PXDC1: variants seen among roughly 807,000 people sequenced by gnomAD.
PXDC1 encodes the protein PX domain-containing protein 1.
A neutral mutation model predicts 24.4 loss-of-function variants in PXDC1; 13 were observed. The ratio of observed to expected loss-of-function variants is 0.53; its 90% CI spans 0.35 to 0.85. The LOEUF is 0.85. PXDC1 is among the 40% of genes least tolerant of loss of function. The pLI, the probability that PXDC1 is intolerant of heterozygous loss-of-function variation, is 0.01. For synonymous variants in PXDC1, 162 were observed against 124.9 expected (o/e 1.30, Z -1.98); for missense variants, 344 against 309.3 (o/e 1.11, Z -0.84).
At chr6:3,727,443 G>C (rs1760092623) in intron 4 of PXDC1, 108 bp downstream of exon 4, 9 of 690,484 alleles carry the variant, frequency 1.3e-5, no homozygotes, top group Non-Finnish European at 2.0e-5. Flanking sequence ...AGGAACTGCT[G>C]GGTGGCTCTG....
rs934701468 is a variant in PXDC1 at position 3,750,744 on chromosome 6, G to A, written c.256+532C>T. Reference sequence around the variant, plus strand: ...CCGCGGGCGGGGCGGCCGCTCCGAGGAGGGACGGAAGGGCTGCGTGGCACC... The same window carrying A: ...CCGCGGGCGGGGCGGCCGCTCCGAGAAGGGACGGAAGGGCTGCGTGGCACC... On this transcript the variant is annotated intron_variant, in intron 1 of 4. Coordinates refer to ENST00000380283, the MANE Select transcript of PXDC1 (RefSeq NM_183373.4). Among the ~76,000 whole-genome samples the A allele has an allele frequency of 6.5e-4, 99 of 152,150 alleles. 1 individual carries two copies. The highest frequency in any genetic ancestry group is 2.5e-4 in the Non-Finnish European group (17 of 68,000).
intron 3 of PXDC1, among the ~76,000 whole-genome samples, chr6:3,733,565 C>A (rs1561733749): frequency 6.6e-6 from 1 of 151,984 alleles, no homozygotes; most frequent in Non-Finnish European, 1.5e-5. Flanking sequence ...AGAAAGAAAA[C>A]CAGACTCGGT....
intron 3 of PXDC1, among the ~76,000 whole-genome samples, chr6:3,732,753 G>A (rs1760228903): frequency 6.6e-6 from 1 of 152,142 alleles, no homozygotes; most frequent in Non-Finnish European, 1.5e-5. Context: ...ACAACTAAAC[G>A]ATCCTAGAAA....
intron 1 of PXDC1, 135 bp downstream of exon 1, chr6:3,751,141 G>A (rs1164361163): frequency 6.1e-6 from 4 of 657,438 alleles, no homozygotes; most frequent in Non-Finnish European, 2.3e-6. Context: ...CTGCGGGCGC[G>A]GGGTCCAAGT....
chr6:3,733,116 G>A (rs932258218), intron 3 of PXDC1, among the ~76,000 whole-genome samples: 3 of 152,200 alleles, frequency 2.0e-5, no homozygotes, highest in African/African-American at 7.2e-5. Context: ...GATGGTGAGA[G>A]TGAGCTTTTA....
intron 1 of PXDC1, 51 bp downstream of exon 1, chr6:3,751,225 A>G (rs1760709062): frequency 1.5e-6 from 2 of 1,318,546 alleles, no homozygotes; most frequent in South Asian, 3.2e-5. Flanking sequence ...TCCTTCGTGC[A>G]CTTCAAGGCT....
intron 4 of PXDC1, among the ~76,000 whole-genome samples, chr6:3,727,188 A>G (rs1380609616): frequency 6.6e-6 from 1 of 152,266 alleles, no homozygotes; most frequent in East Asian, 1.9e-4. Context: ...AGGGCCAGGC[A>G]GCCTTGAGGC....
chr6:3,723,991 T>G (rs1046644814), intron 4 of PXDC1, among the ~76,000 whole-genome samples: 1 of 152,012 alleles, frequency 6.6e-6, no homozygotes, highest in Non-Finnish European at 1.5e-5. Context: ...ATTCATGGAG[T>G]GCTGATTTTC....
chr6:3,750,303 G>C (rs923136811), intron 1 of PXDC1, among the ~76,000 whole-genome samples: 9 of 152,164 alleles, frequency 5.9e-5, no homozygotes, highest in African/African-American at 2.2e-4. Flanking sequence ...CTTAGAGGAG[G>C]ACTGCAGAAA....
Position 3,737,975 on chromosome 6 carries a change from C to CG in PXDC1, c.348+81dup, listed in dbSNP as rs920057781. The CG allele has an allele frequency of 3.8e-5, 44 of 1,166,054 alleles. 1 individual carries two copies. The African/African-American group carries it at 5.0e-4, about 13-fold the overall frequency. 72.2% of individuals were successfully genotyped at this position (1,166,054 alleles called of 1,614,324 possible). A position where few individuals can be genotyped will look rare whatever the true frequency, so the allele number is the denominator to read the frequency against. ...AGACAGAGCAAGCAAGTCAACCCTC[C>CG]GGGGGGATGGACGCCTTTCGCATTT... On this transcript the variant is annotated intron_variant, in intron 2 of 4. Coordinates refer to ENST00000380283, the MANE Select transcript of PXDC1 (RefSeq NM_183373.4). The surrounding 1 kb of genome is among the most constrained non-coding windows in gnomAD (Gnocchi z 5.5).
At chr6:3,743,776 G>A (rs183011740) in intron 1 of PXDC1, among the ~76,000 whole-genome samples, 34 of 152,296 alleles carry the variant, frequency 2.2e-4, no homozygotes, top group East Asian at 5.8e-4. Flanking sequence ...GCGAGATTGC[G>A]GCTGTGTGGA....
chr6:3,726,553 C>G (rs917477219), intron 4 of PXDC1, among the ~76,000 whole-genome samples: 1 of 152,254 alleles, frequency 6.6e-6, no homozygotes, highest in Non-Finnish European at 1.5e-5. Flanking sequence ...AGGGACCCCC[C>G]CATGCTCAGT....
intron 3 of PXDC1, among the ~76,000 whole-genome samples, chr6:3,736,844 G>C (rs1035422045): frequency 6.6e-6 from 1 of 152,192 alleles, no homozygotes; most frequent in African/African-American, 2.4e-5. Flanking sequence ...TCTTAAGTGA[G>C]TTCCAATTTA....
intron 1 of PXDC1, among the ~76,000 whole-genome samples, chr6:3,743,507 G>A (rs1760495925): frequency 6.6e-6 from 1 of 152,118 alleles, no homozygotes; most frequent in Non-Finnish European, 1.5e-5. Flanking sequence ...TTTAAAGGTT[G>A]ACTATAATAC....
intron 1 of PXDC1, chr6:3,738,855 A>G (rs149473705): frequency 8.4e-6 from 11 of 1,303,360 alleles, no homozygotes; most frequent in South Asian, 7.4e-5. Context: ...AGCGCAGAGC[A>G]GAAGTCTTCC....
At chr6:3,729,984 C>A (rs1348253836) in intron 3 of PXDC1, among the ~76,000 whole-genome samples, 1 of 152,156 alleles carries the variant, frequency 6.6e-6, no homozygotes, top group Non-Finnish European at 1.5e-5. Context: ...ACCAGTCCCC[C>A]AAAAAATAGA....
Position 3,738,235 on chromosome 6 carries a change from C to T in PXDC1, c.257-87G>A, listed in dbSNP as rs569948832. On this transcript the variant is annotated intron_variant, in intron 1 of 4. Coordinates refer to ENST00000380283, the MANE Select transcript of PXDC1 (RefSeq NM_183373.4). Reference sequence around the variant, plus strand: ...CAATACACAACAGGTGCCCACAAACCGCCAGGGTCGTCATCTGTAATGAGA... The same window carrying T: ...CAATACACAACAGGTGCCCACAAACTGCCAGGGTCGTCATCTGTAATGAGA... The T allele has an allele frequency of 1.3e-4, 128 of 966,652 alleles. No homozygotes were observed. The African/African-American group carries it at 1.7e-3, about 13-fold the overall frequency. 59.9% of individuals were successfully genotyped at this position (966,652 alleles called of 1,614,324 possible).
At chr6:3,731,876 C>T (rs1348982266) in intron 3 of PXDC1, among the ~76,000 whole-genome samples, 3 of 152,190 alleles carry the variant, frequency 2.0e-5, no homozygotes, top group South Asian at 4.1e-4. Flanking sequence ...CTGCATGAGA[C>T]CTGGAGTGGC....
At chr6:3,736,253 C>G (rs1299023699) in intron 3 of PXDC1, among the ~76,000 whole-genome samples, 4 of 152,190 alleles carry the variant, frequency 2.6e-5, no homozygotes. Context: ...CCCCTGCTTC[C>G]TCCTCCATTC....
Sources: gnomAD v4.1 joint callset for allele counts (sites outside exome capture counted in the v4.1 genomes callset) on GRCh38, gnomAD v4.1.1 for gene constraint, Gnocchi (gnomAD v3.1) non-coding constraint, MANE v1.5 for transcripts, NCBI Gene and HGNC (gene_info 2026-07-23, HGNC 2026-07-21) for gene names.